The following RBMS3 variants were observed in gnomAD, a reference collection of about 807,000 sequenced individuals.
The protein encoded by RBMS3 is RNA binding motif single stranded interacting protein 3, also known as RNA-binding motif, single-stranded-interacting protein 3.
RBMS3 carries 27 observed loss-of-function variants against 66.8 expected under a neutral mutation model. The observed-to-expected ratio is 0.40, with a 90% CI of 0.30 to 0.56. The LOEUF is 0.56. RBMS3 is among the 20% of genes least tolerant of loss of function. The pLI, the probability that RBMS3 is intolerant of heterozygous loss-of-function variation, is 0.40. For synonymous variants in RBMS3, 188 were observed against 183.0 expected (o/e 1.03, Z -0.22); for missense variants, 513 against 549.5 (o/e 0.93, Z 0.66).
At chr3:29,871,394 G>A (rs1040826493) in intron 7 of RBMS3, among the ~76,000 whole-genome samples, 3 of 152,030 alleles carry the variant, frequency 2.0e-5, no homozygotes, top group African/African-American at 4.8e-5. Context: ...TTGTTTGTTT[G>A]TTTGTTTGTT....
At chr3:29,841,582 C>T (rs1021733872) in intron 6 of RBMS3, among the ~76,000 whole-genome samples, 11 of 151,998 alleles carry the variant, frequency 7.2e-5, no homozygotes, top group Middle Eastern at 6.8e-3. Context: ...TGTACTGCAC[C>T]TTATTTGATA....
At chr3:29,836,106 G>A (rs368946019) in intron 6 of RBMS3, among the ~76,000 whole-genome samples, 71 of 151,990 alleles carry the variant, frequency 4.7e-4, no homozygotes, top group African/African-American at 1.6e-3. Flanking sequence ...CAATTACAGA[G>A]ATTCAATCAT....
intron 2 of RBMS3, among the ~76,000 whole-genome samples, chr3:29,453,167 C>T (rs2042069000): frequency 6.6e-6 from 1 of 152,156 alleles, no homozygotes; most frequent in African/African-American, 2.4e-5. Context: ...TTTAGCTAAT[C>T]TCAAATGTTT....
chr3:29,930,446 A>C (rs1373175376), intron 10 of RBMS3, among the ~76,000 whole-genome samples: 1 of 151,814 alleles, frequency 6.6e-6, no homozygotes, highest in Admixed American at 6.6e-5. Flanking sequence ...CTGCCTTTCA[A>C]ATTCTTCCTC....
intron 4 of RBMS3, among the ~76,000 whole-genome samples, chr3:29,719,911 C>T (rs888127412): frequency 1.3e-5 from 2 of 151,712 alleles, no homozygotes; most frequent in Non-Finnish European, 2.9e-5. Flanking sequence ...TTTATTGGCC[C>T]TACATTTTCT....
intron 2 of RBMS3, among the ~76,000 whole-genome samples, chr3:29,470,772 GAATT>G (rs1267979117): frequency 6.6e-6 from 1 of 152,020 alleles, no homozygotes; most frequent in East Asian, 1.9e-4. Flanking sequence ...TGAATTAAAT[GAATT>G]GTCACTTATA....
intron 4 of RBMS3, among the ~76,000 whole-genome samples, chr3:29,630,259 C>A (rs9813664): frequency 0.094 from 14,211 of 151,922 alleles, 1,192 homozygotes; most frequent in East Asian, 0.36. Flanking sequence ...TTAATTCTGT[C>A]GTACAGCATA....
intron 3 of RBMS3, among the ~76,000 whole-genome samples, chr3:29,571,226 A>G (rs975467581): frequency 1.3e-5 from 2 of 152,102 alleles, no homozygotes; most frequent in Non-Finnish European, 2.9e-5. Context: ...CTGATTATCA[A>G]TCTGTCAGAT....
intron 1 of RBMS3, among the ~76,000 whole-genome samples, chr3:29,323,553 T>C (rs111547846): frequency 2.0e-5 from 3 of 152,132 alleles, no homozygotes; most frequent in Admixed American, 2.0e-4. Flanking sequence ...CCAGCACACA[T>C]AGTAAAATTA....
intron 1 of RBMS3, among the ~76,000 whole-genome samples, chr3:29,318,983 C>T (rs1207050737): frequency 1.3e-5 from 2 of 151,968 alleles, no homozygotes; most frequent in South Asian, 4.1e-4. Flanking sequence ...ATTGAGACAG[C>T]ATTGTAGCAT....
At chr3:29,819,456 G>T (rs1188979565) in intron 6 of RBMS3, among the ~76,000 whole-genome samples, 2 of 152,198 alleles carry the variant, frequency 1.3e-5, no homozygotes, top group African/African-American at 4.8e-5. Context: ...AATTCTTCAT[G>T]TGTTGTATTA....
chr3:29,493,581 A>ATAT lies in RBMS3; in HGVS notation c.307+5098_307+5100dup, dbSNP rs200250735. Among the ~76,000 whole-genome samples the ATAT allele has an allele frequency of 2.0e-4, 30 of 152,140 alleles. No homozygotes were observed. The South Asian group carries it at 3.7e-3, about 19-fold the overall frequency. The stretch of plus-strand genomic sequence containing the variant: ...TTAACATGGTGGGCTTATGGGTGAT[A>ATAT]TATTATTATTATTATTATCTTAACA... On this transcript the variant is annotated intron_variant, in intron 3 of 14. Transcript: ENST00000383767.
At chr3:29,567,990 T>C (rs1419897332) in intron 3 of RBMS3, among the ~76,000 whole-genome samples, 1 of 152,204 alleles carries the variant, frequency 6.6e-6, no homozygotes, top group Non-Finnish European at 1.5e-5. Context: ...GCAGTTTTTG[T>C]GTTCAAGGGC....
intron 3 of RBMS3, among the ~76,000 whole-genome samples, chr3:29,529,695 G>A (rs1190763443): frequency 6.6e-6 from 1 of 152,058 alleles, no homozygotes; most frequent in East Asian, 1.9e-4. Context: ...TGAGTGTTTT[G>A]GTGAGGTCTA....
At chr3:29,458,652 A>G (rs942070267) in intron 2 of RBMS3, among the ~76,000 whole-genome samples, 29 of 152,212 alleles carry the variant, frequency 1.9e-4, no homozygotes, top group African/African-American at 6.8e-4. Flanking sequence ...TTTATTCCAA[A>G]TATTTTCAAT....
At chr3:29,699,091 T>C (rs191962034) in intron 4 of RBMS3, among the ~76,000 whole-genome samples, 22 of 152,292 alleles carry the variant, frequency 1.4e-4, no homozygotes, top group African/African-American at 5.3e-4. Context: ...GTGAAGAGGC[T>C]TAAACATACA....
At chr3:29,875,372 T>G (rs1559759551) in intron 7 of RBMS3, among the ~76,000 whole-genome samples, 1 of 152,142 alleles carries the variant, frequency 6.6e-6, no homozygotes, top group Non-Finnish European at 1.5e-5. Flanking sequence ...GTTGTATATT[T>G]TTCATCCTAC....
At chr3:29,523,355 T>C (rs2044942671) in intron 3 of RBMS3, among the ~76,000 whole-genome samples, 1 of 152,222 alleles carries the variant, frequency 6.6e-6, no homozygotes, top group South Asian at 2.1e-4. Flanking sequence ...TAAATTTTTA[T>C]AGTCACTTGG....
intron 2 of RBMS3, among the ~76,000 whole-genome samples, chr3:29,467,113 T>C (rs2042570785): frequency 6.6e-6 from 1 of 152,194 alleles, no homozygotes; most frequent in Non-Finnish European, 1.5e-5. Context: ...TTTCTTTTCC[T>C]TGAACATTTT....
Sources: gnomAD v4.1 joint callset for allele counts (sites outside exome capture counted in the v4.1 genomes callset) on GRCh38, gnomAD v4.1.1 for gene constraint, MANE v1.5 for transcripts, NCBI Gene and HGNC (gene_info 2026-07-23, HGNC 2026-07-21) for gene names.